CNOT4: variants seen among roughly 807,000 people sequenced by gnomAD.
The protein encoded by CNOT4 is CCR4-associated factor 4.
In CNOT4, 8 loss-of-function variants were observed where a neutral mutation model predicts 73.8. That is an observed-to-expected ratio of 0.11 (90% CI 0.06 to 0.20). The LOEUF is 0.20. CNOT4 is among the 10% of genes least tolerant of loss of function. The pLI is 1.00. For synonymous variants in CNOT4, 293 were observed against 321.1 expected (o/e 0.91, Z 0.94); for missense variants, 564 against 883.4 (o/e 0.64, Z 4.58).
chr7:135,443,040 T>C (rs986197332), intron 1 of CNOT4, among the ~76,000 whole-genome samples: 4 of 151,700 alleles, frequency 2.6e-5, no homozygotes, highest in Non-Finnish European at 4.4e-5. Flanking sequence ...GCCTGGGTGA[T>C]AGAGTGAAAC....
intron 10 of CNOT4, among the ~76,000 whole-genome samples, chr7:135,380,656 T>A (rs930388655): frequency 6.6e-6 from 1 of 152,206 alleles, no homozygotes; most frequent in East Asian, 1.9e-4. Context: ...GACACAATAA[T>A]GTTTAGAGGA....
At chr7:135,410,752 TAATA>T in intron 6 of CNOT4, 104 bp from the exon 7 acceptor site, 1 of 653,564 alleles carries the variant, frequency 1.5e-6, no homozygotes. Context: ...ATAAAATAAA[TAATA>T]TTTTTAAAAA....
chr7:135,417,363 T>C (rs188871058), intron 3 of CNOT4, among the ~76,000 whole-genome samples: 50 of 152,344 alleles, frequency 3.3e-4, no homozygotes, highest in African/African-American at 1.2e-3. Flanking sequence ...TATGTACAAA[T>C]AGTCTTTTTA....
At chr7:135,451,226 A>T (rs1466270376) in intron 1 of CNOT4, among the ~76,000 whole-genome samples, 1 of 152,242 alleles carries the variant, frequency 6.6e-6, no homozygotes, top group Non-Finnish European at 1.5e-5. Flanking sequence ...TAAAGAACTA[A>T]ATCTGTACAT....
At position 135,396,307 on chromosome 7, in the gene CNOT4, C is replaced by T. The variant is rs182073382; in HGVS notation, c.880-424G>A. On this transcript the variant is annotated intron_variant, in intron 8 of 11. Coordinates refer to ENST00000541284, the MANE Select transcript of CNOT4 (RefSeq NM_001190850.2). ...TAATTTTTTGTATTTTTAGTAGAGA[C>T]GGGGTTTCACCGCATTATCCAGGAT... 6.7e-3 allele frequency among the ~76,000 whole-genome samples: 1,013 copies of T among 151,720 alleles called. 13 individuals carry two copies. Among genetic ancestry groups the T allele is most frequent in the African/African-American group, 0.023 (964 of 41,342 alleles).
chr7:135,495,201 G>A (rs143231975), intron 1 of CNOT4, among the ~76,000 whole-genome samples: 11 of 152,098 alleles, frequency 7.2e-5, no homozygotes, highest in African/African-American at 2.4e-4. Flanking sequence ...CAACAAACAT[G>A]GCAAAACTCC....
chr7:135,444,457 C>A (rs1374608964), intron 1 of CNOT4: 2 of 775,684 alleles, frequency 2.6e-6, no homozygotes, highest in Admixed American at 1.7e-5. Context: ...AACGAGATGG[C>A]GGTTCTCTGG....
intron 2 of CNOT4, among the ~76,000 whole-genome samples, chr7:135,436,040 C>A (rs1799135828): frequency 6.6e-6 from 1 of 150,772 alleles, no homozygotes; most frequent in African/African-American, 2.4e-5. Flanking sequence ...AAGCAGTTTT[C>A]TCTTGAGCTG....
rs150791411 is a variant in CNOT4, at chr7:135,405,103, T to C, written c.821+5412A>G. Among the ~76,000 whole-genome samples the C allele has an allele frequency of 1.0e-3, 154 of 152,314 alleles. 1 individual carries two copies. Among genetic ancestry groups the C allele is most frequent in the Non-Finnish European group, 1.8e-3 (121 of 68,018 alleles). On this transcript the variant is annotated intron_variant, in intron 7 of 11. Coordinates refer to ENST00000541284, the MANE Select transcript of CNOT4 (RefSeq NM_001190850.2). ...GGCTTTAAAGTCACAGAGACTTTGGTCAGAATCTTATCTACTGCTTATTTG... is the reference window on the plus strand; with the variant it reads ...GGCTTTAAAGTCACAGAGACTTTGGCCAGAATCTTATCTACTGCTTATTTG...
chr7:135,381,725 ATGGTAC>A (rs1250711268), intron 10 of CNOT4, among the ~76,000 whole-genome samples: 9 of 152,198 alleles, frequency 5.9e-5, no homozygotes, highest in Non-Finnish European at 1.3e-4. Context: ...TAATTAAAGA[ATGGTAC>A]TGGGTCACTG....
intron 2 of CNOT4, among the ~76,000 whole-genome samples, chr7:135,436,736 T>C (rs541899269): frequency 6.6e-6 from 1 of 151,756 alleles, no homozygotes; most frequent in South Asian, 2.1e-4. Flanking sequence ...TAACTTTTTA[T>C]TCATATAATA....
chr7:135,421,188 TA>T (rs1225808052), intron 3 of CNOT4, among the ~76,000 whole-genome samples: 1 of 152,168 alleles, frequency 6.6e-6, no homozygotes. Flanking sequence ...TTTTTTAAAT[TA>T]ATTTTTACAA....
chr7:135,420,044 C>CA (rs58038008), intron 3 of CNOT4, among the ~76,000 whole-genome samples: 152,196 of 152,200 alleles, frequency 1, 76,096 homozygotes, highest in Middle Eastern at 1. Flanking sequence ...AAACAAACAA[C>CA]AACAAAAACC....
intron 1 of CNOT4, among the ~76,000 whole-genome samples, chr7:135,439,737 G>A (rs1049347630): frequency 6.6e-6 from 1 of 152,168 alleles, no homozygotes; most frequent in African/African-American, 2.4e-5. Flanking sequence ...CTATAACTGT[G>A]CCACCACACT....
At chr7:135,384,287 CTCTT>C (rs915544422) in intron 10 of CNOT4, 28 of 161,336 alleles carry the variant, frequency 1.7e-4, no homozygotes, top group East Asian at 5.5e-4. Context: ...CTCTCTCTCT[CTCTT>C]TTTTTTTTTT....
chr7:135,393,515 CTCAT>C (rs1472229987), intron 10 of CNOT4, among the ~76,000 whole-genome samples: 3 of 151,970 alleles, frequency 2.0e-5, no homozygotes, highest in Non-Finnish European at 2.9e-5. Context: ...CCCTCATGCT[CTCAT>C]TAATTATCAT....
At chr7:135,391,445 T>C (rs1796396471) in intron 10 of CNOT4, among the ~76,000 whole-genome samples, 1 of 151,960 alleles carries the variant, frequency 6.6e-6, no homozygotes, top group Non-Finnish European at 1.5e-5. Context: ...TAGCCTGAAA[T>C]TGAAAATCCA....
At chr7:135,399,506 T>C (rs530692438) in intron 7 of CNOT4, among the ~76,000 whole-genome samples, 41 of 152,200 alleles carry the variant, frequency 2.7e-4, no homozygotes, top group African/African-American at 8.9e-4. Flanking sequence ...AAACAAAACA[T>C]TGATATGTGG....
intron 7 of CNOT4, among the ~76,000 whole-genome samples, chr7:135,402,293 A>G (rs1279902287): frequency 3.9e-5 from 6 of 152,078 alleles, no homozygotes; most frequent in African/African-American, 1.4e-4. Context: ...TATTTTTAGT[A>G]GAGGTGGGGT....
Sources: gnomAD v4.1 joint callset for allele counts (sites outside exome capture counted in the v4.1 genomes callset) on GRCh38, gnomAD v4.1.1 for gene constraint, MANE v1.5 for transcripts, NCBI Gene and HGNC (gene_info 2026-07-23, HGNC 2026-07-21) for gene names.